The following RUNDC3B variants were observed in gnomAD, a reference collection of about 807,000 sequenced individuals.
RUNDC3B encodes the protein RUN domain-containing protein 3B.
Under a neutral mutation model 58.4 loss-of-function variants are expected in RUNDC3B, and 33 were observed. The ratio of observed to expected loss-of-function variants is 0.56; its 90% CI spans 0.43 to 0.75. The LOEUF is 0.75. Among genes scored for constraint, RUNDC3B ranks in the 30% least tolerant of loss-of-function variants. RUNDC3B has a pLI of 0.00. For missense variants in RUNDC3B, 501 were observed against 535.7 expected, an observed-to-expected ratio of 0.94 and a Z score of 0.64; for synonymous variants, 193 against 195.2, an observed-to-expected ratio of 0.99 and a Z score of 0.10.
intron 8 of RUNDC3B, among the ~76,000 whole-genome samples, chr7:87,789,953 C>G (rs1835433886): frequency 6.6e-6 from 1 of 152,224 alleles, no homozygotes; most frequent in South Asian, 2.1e-4. Flanking sequence ...CTGGGCAACT[C>G]ACTGCCCTGA....
intron 7 of RUNDC3B, among the ~76,000 whole-genome samples, chr7:87,771,525 A>G (rs978544612): frequency 1.3e-5 from 2 of 152,226 alleles, no homozygotes; most frequent in African/African-American, 2.4e-5. Context: ...AAGTATCTAC[A>G]TTGCAAAAAT....
chr7:87,799,745 G>A (rs1836023670), intron 8 of RUNDC3B, among the ~76,000 whole-genome samples: 1 of 151,962 alleles, frequency 6.6e-6, no homozygotes, highest in Non-Finnish European at 1.5e-5. Context: ...AAATTAGCTG[G>A]GCATGGTGGC....
At chr7:87,809,875 T>A (rs1836618599) in intron 9 of RUNDC3B, among the ~76,000 whole-genome samples, 1 of 152,192 alleles carries the variant, frequency 6.6e-6, no homozygotes, top group Non-Finnish European at 1.5e-5. Flanking sequence ...CCAAGGCTCT[T>A]GAACTACCTG....
Position 87,825,361 on chromosome 7 carries a change from C to T in RUNDC3B, c.1226-4524C>T, listed in dbSNP as rs538514719. ...AAGCCCCAAGCCTTGGCAGCTTCCA[C>T]GTGGTGTTGAGCCTGCAAGTGCACA... On this transcript the variant is annotated intron_variant, in intron 10 of 10. Transcript: ENST00000394654. Among the ~76,000 whole-genome samples the T allele has an allele frequency of 5.3e-5, 8 of 152,322 alleles. No homozygotes were observed. In the South Asian group the frequency reaches 6.2e-4, roughly 12 times the overall value.
At chr7:87,798,036 C>G (rs1835906414) in intron 8 of RUNDC3B, among the ~76,000 whole-genome samples, 1 of 152,148 alleles carries the variant, frequency 6.6e-6, no homozygotes, top group Non-Finnish European at 1.5e-5. Context: ...ACCTTGCATT[C>G]CACTGGTTTC....
chr7:87,640,016 T>C (rs1822261591), intron 1 of RUNDC3B, among the ~76,000 whole-genome samples: 1 of 151,060 alleles, frequency 6.6e-6, no homozygotes, highest in African/African-American at 2.4e-5. Flanking sequence ...TTTTACTTTG[T>C]GAACTTGTGA....
intron 4 of RUNDC3B, among the ~76,000 whole-genome samples, chr7:87,734,864 A>G (rs775356184): frequency 2.0e-5 from 3 of 152,228 alleles, no homozygotes; most frequent in African/African-American, 4.8e-5. Flanking sequence ...TTTAAGTTAT[A>G]CAACATTCCA....
chr7:87,643,433 A>G (rs1261371634), intron 1 of RUNDC3B, among the ~76,000 whole-genome samples: 1 of 152,160 alleles, frequency 6.6e-6, no homozygotes, highest in Non-Finnish European at 1.5e-5. Context: ...TGTGAAAGGT[A>G]TTTTTTCTCA....
intron 2 of RUNDC3B, among the ~76,000 whole-genome samples, chr7:87,657,673 A>C (rs1413161968): frequency 1.3e-5 from 2 of 152,124 alleles, no homozygotes; most frequent in Non-Finnish European, 2.9e-5. Flanking sequence ...GTTCCTGGCC[A>C]TACTGGGGTG....
chr7:87,693,258 CAG>C (rs1398546637), intron 2 of RUNDC3B, among the ~76,000 whole-genome samples: 1 of 152,030 alleles, frequency 6.6e-6, no homozygotes, highest in Non-Finnish European at 1.5e-5. Flanking sequence ...ACAAATAAAA[CAG>C]TGTTTTTGAT....
At chr7:87,696,790 C>T (rs528486020) in intron 2 of RUNDC3B, among the ~76,000 whole-genome samples, 6 of 151,930 alleles carry the variant, frequency 3.9e-5, no homozygotes, top group Non-Finnish European at 7.4e-5. Context: ...GATGATATGC[C>T]GTCCTGTCAA....
chr7:87,679,398 CTTTTT>C (rs35405859), intron 2 of RUNDC3B, among the ~76,000 whole-genome samples: 1 of 149,058 alleles, frequency 6.7e-6, no homozygotes, highest in South Asian at 2.1e-4. Flanking sequence ...CGGCCCCCAA[CTTTTT>C]TTTAAGACAG....
chr7:87,679,019 A>ATCACTTGAGTTCCAGACC (rs1554462905), intron 2 of RUNDC3B, among the ~76,000 whole-genome samples: 1 of 150,754 alleles, frequency 6.6e-6, no homozygotes, highest in African/African-American at 2.5e-5. Context: ...AAGTAAACAG[A>ATCACTTGAGTTCCAGACC]AAATTAGTAA....
chr7:87,787,587 G>A (rs1309148189), intron 8 of RUNDC3B, among the ~76,000 whole-genome samples: 1 of 152,120 alleles, frequency 6.6e-6, no homozygotes, highest in South Asian at 2.1e-4. Context: ...GGGCAACAGA[G>A]TACAAGTTAG....
chr7:87,750,133 G>T (rs1324092426), intron 6 of RUNDC3B, among the ~76,000 whole-genome samples: 1 of 151,848 alleles, frequency 6.6e-6, no homozygotes, highest in East Asian at 1.9e-4. Context: ...GTGGTGTTTG[G>T]TTTTTTGTTC....
chr7:87,743,479 C>T (rs1017041815), intron 6 of RUNDC3B, among the ~76,000 whole-genome samples: 26 of 152,050 alleles, frequency 1.7e-4, no homozygotes, highest in African/African-American at 6.0e-4. Flanking sequence ...CCAACATCTA[C>T]TGTTTTTTGA....
chr7:87,714,787 C>T (rs1830403350), intron 4 of RUNDC3B, among the ~76,000 whole-genome samples: 3 of 151,998 alleles, frequency 2.0e-5, no homozygotes, highest in East Asian at 1.9e-4. Context: ...CCCATGCATC[C>T]GTTTATAGGC....
intron 10 of RUNDC3B, among the ~76,000 whole-genome samples, chr7:87,820,840 C>G (rs1165162910): frequency 3.4e-4 from 51 of 151,824 alleles, no homozygotes; most frequent in African/African-American, 1.1e-3. Context: ...ATTCAACAGC[C>G]CTTCATGCTA....
intron 4 of RUNDC3B, among the ~76,000 whole-genome samples, chr7:87,725,254 C>A (rs1276972968): frequency 1.3e-5 from 2 of 152,172 alleles, no homozygotes; most frequent in East Asian, 3.9e-4. Flanking sequence ...CCGCACCCCA[C>A]AACAGGCCCC....
Sources: gnomAD v4.1 joint callset for allele counts (sites outside exome capture counted in the v4.1 genomes callset) on GRCh38, gnomAD v4.1.1 for gene constraint, MANE v1.5 for transcripts, NCBI Gene and HGNC (gene_info 2026-07-23, HGNC 2026-07-21) for gene names.